Variants in LDLRAD4 observed in about 807,000 individuals in gnomAD.
LDLRAD4 encodes low density lipoprotein receptor class A domain containing 4, also known as low-density lipoprotein receptor class A domain-containing protein 4.
Under a neutral mutation model 17.0 loss-of-function variants are expected in LDLRAD4, and 5 were observed. The observed-to-expected ratio is 0.29, with a 90% CI of 0.15 to 0.62. The LOEUF is 0.62. Ranked by LOEUF, LDLRAD4 falls within the 20% of genes least tolerant of loss-of-function variation. The probability of loss-of-function intolerance (pLI) is 0.84; values close to 1 mark genes in which losing one functional copy is unlikely to be tolerated. For synonymous variants in LDLRAD4, 168 were observed against 171.8 expected, an observed-to-expected ratio of 0.98 and a Z score of 0.17; for missense variants, 340 against 424.7, an observed-to-expected ratio of 0.80 and a Z score of 1.75.
intron 3 of LDLRAD4, among the ~76,000 whole-genome samples, chr18:13,573,838 G>A (rs1348934954): frequency 2.0e-5 from 3 of 152,176 alleles, no homozygotes; most frequent in South Asian, 4.1e-4. Flanking sequence ...TGGTGAAGCC[G>A]AGACCACAGA....
At chr18:13,331,893 A>G (rs2081884072) in intron 1 of LDLRAD4, among the ~76,000 whole-genome samples, 1 of 152,188 alleles carries the variant, frequency 6.6e-6, no homozygotes, top group African/African-American at 2.4e-5. Context: ...TAGAGCCAAG[A>G]TCTTGCTCTC....
intron 1 of LDLRAD4, among the ~76,000 whole-genome samples, chr18:13,355,791 C>T (rs1462340874): frequency 6.6e-6 from 1 of 151,998 alleles, no homozygotes; most frequent in Non-Finnish European, 1.5e-5. Flanking sequence ...GCCACCATGC[C>T]TGGCTAATTA....
intron 1 of LDLRAD4, among the ~76,000 whole-genome samples, chr18:13,344,832 T>C (rs907654067): frequency 6.6e-6 from 1 of 152,226 alleles, no homozygotes; most frequent in African/African-American, 2.4e-5. Flanking sequence ...TATTTTATTC[T>C]CTTTGAAGCA....
chr18:13,282,670 C>T lies in LDLRAD4; in HGVS notation c.-383+4482C>T, dbSNP rs1334352849. On this transcript the variant is annotated intron_variant, in intron 1 of 5. Transcript: ENST00000359446. ...ACAGCCTTCCTCCTGGCTGCTTGCA[C>T]ATGCTGGCATTGAGTGTCTGTGTCT... is the stretch of plus-strand genomic sequence containing the variant. 2.6e-5 allele frequency among the ~76,000 whole-genome samples: 4 copies of T among 152,340 alleles called. No homozygotes were observed. The East Asian group carries it at 7.7e-4, about 29-fold the overall frequency.
intron 1 of LDLRAD4, among the ~76,000 whole-genome samples, chr18:13,301,358 C>T (rs1488735867): frequency 6.6e-6 from 1 of 150,702 alleles, no homozygotes; most frequent in African/African-American, 2.5e-5. Flanking sequence ...GGACCATTCT[C>T]GAACTTGAGA....
At chr18:13,376,709 A>G (rs2084938397) in intron 1 of LDLRAD4, among the ~76,000 whole-genome samples, 1 of 152,172 alleles carries the variant, frequency 6.6e-6, no homozygotes, top group Non-Finnish European at 1.5e-5. Flanking sequence ...CAGAGGGGCC[A>G]GTTCTGTCTT....
intron 3 of LDLRAD4, among the ~76,000 whole-genome samples, chr18:13,518,710 G>C (rs950891018): frequency 2.0e-5 from 3 of 152,184 alleles, no homozygotes; most frequent in Non-Finnish European, 4.4e-5. Flanking sequence ...ATACCCACCA[G>C]ATGTCTTGGA....
intron 3 of LDLRAD4, among the ~76,000 whole-genome samples, chr18:13,536,981 C>T (rs1032786637): frequency 6.6e-6 from 1 of 152,060 alleles, no homozygotes; most frequent in Non-Finnish European, 1.5e-5. Flanking sequence ...TCCCATTTGG[C>T]CATGATGTAT....
intron 1 of LDLRAD4, among the ~76,000 whole-genome samples, chr18:13,261,044 C>G (rs571370480): frequency 1.1e-3 from 162 of 152,354 alleles, no homozygotes; most frequent in African/African-American, 3.7e-3. Context: ...CATCCCTCCT[C>G]TAATGCGTTC....
intron 3 of LDLRAD4, among the ~76,000 whole-genome samples, chr18:13,547,741 T>C (rs1430783845): frequency 6.6e-6 from 1 of 152,152 alleles, no homozygotes; most frequent in Non-Finnish European, 1.5e-5. Context: ...TTGGAAATGC[T>C]AGGAAGTGCA....
At chr18:13,383,896 G>C (rs2085582944) in intron 1 of LDLRAD4, among the ~76,000 whole-genome samples, 2 of 152,244 alleles carry the variant, frequency 1.3e-5, no homozygotes, top group South Asian at 4.1e-4. Flanking sequence ...GTTGCTAGCA[G>C]TGAGAAAGAA....
intron 1 of LDLRAD4, among the ~76,000 whole-genome samples, chr18:13,282,057 A>G (rs1390484938): frequency 3.3e-5 from 5 of 152,230 alleles, no homozygotes; most frequent in East Asian, 1.9e-4. Flanking sequence ...GAAACCCTTG[A>G]TAAACCCATC....
intron 1 of LDLRAD4, among the ~76,000 whole-genome samples, chr18:13,285,657 A>G (rs905868600): frequency 6.6e-6 from 1 of 152,104 alleles, no homozygotes; most frequent in Non-Finnish European, 1.5e-5. Context: ...ACGCTTTAAC[A>G]GTTTCCCTCT....
At chr18:13,292,108 C>T (rs1388757847) in intron 1 of LDLRAD4, among the ~76,000 whole-genome samples, 3 of 152,172 alleles carry the variant, frequency 2.0e-5, no homozygotes, top group Non-Finnish European at 4.4e-5. Flanking sequence ...TTCAGAAGTT[C>T]CCTGGCCTCT....
chr18:13,229,742 G>C (rs905948983), intron 1 of LDLRAD4, among the ~76,000 whole-genome samples: 2 of 152,176 alleles, frequency 1.3e-5, no homozygotes, highest in African/African-American at 4.8e-5. Context: ...CCTCCTGTGT[G>C]CATTTTTATG....
At chr18:13,418,108 G>A (rs1341160863) in intron 2 of LDLRAD4, among the ~76,000 whole-genome samples, 1 of 150,012 alleles carries the variant, frequency 6.7e-6, no homozygotes, top group Admixed American at 6.6e-5. Context: ...TGGAGCTCCC[G>A]CTCCCCACCC....
At chr18:13,395,454 G>GA (rs1295320042) in intron 2 of LDLRAD4, among the ~76,000 whole-genome samples, 8 of 60,570 alleles carry the variant, frequency 1.3e-4, no homozygotes, top group Non-Finnish European at 1.6e-4. Context: ...TGGAGGTGGG[G>GA]GCTGGCGTGG....
At chr18:13,227,149 T>C (rs1183506409) in intron 1 of LDLRAD4, among the ~76,000 whole-genome samples, 1 of 152,222 alleles carries the variant, frequency 6.6e-6, no homozygotes, top group Non-Finnish European at 1.5e-5. Context: ...TCTGCAAATG[T>C]GCTAAAGTTT....
chr18:13,218,608 C>T (rs1289492998), upstream of LDLRAD4, among the ~76,000 whole-genome samples: 3 of 152,134 alleles, frequency 2.0e-5, no homozygotes, highest in East Asian at 1.9e-4. Context: ...GGCCAAGCCC[C>T]GCAGCCCCTC....
Sources: gnomAD v4.1 joint callset for allele counts (sites outside exome capture counted in the v4.1 genomes callset) on GRCh38, gnomAD v4.1.1 for gene constraint, MANE v1.5 for transcripts, NCBI Gene and HGNC (gene_info 2026-07-23, HGNC 2026-07-21) for gene names.